The following OR56A3 variants were observed in gnomAD, a reference collection of about 807,000 sequenced individuals.
OR56A3 encodes olfactory receptor 56A3.
Under a neutral mutation model 17.5 loss-of-function variants are expected in OR56A3, and 23 were observed. The observed-to-expected ratio is 1.32, with a 90% CI of 0.95 to 1.87. OR56A3 has a LOEUF of 1.87. OR56A3 is among the 40% of genes most tolerant of loss of function. The pLI, the probability that OR56A3 is intolerant of heterozygous loss-of-function variation, is 0.00. For synonymous variants in OR56A3, 175 were observed against 150.6 expected, an observed-to-expected ratio of 1.16 and a Z score of -1.19; for missense variants, 366 against 380.1, an observed-to-expected ratio of 0.96 and a Z score of 0.31.
chr11:5,997,051 T>A, the OR56A3 span, among the ~76,000 whole-genome samples: 1 of 152,194 alleles, frequency 6.6e-6, no homozygotes, highest in East Asian at 1.9e-4. Context: ...GAATTATAGT[T>A]GATAACATAA....
chr11:6,005,513 A>G, the OR56A3 span, among the ~76,000 whole-genome samples: 1 of 152,262 alleles, frequency 6.6e-6, no homozygotes, highest in Non-Finnish European at 1.5e-5. Flanking sequence ...TGTCACGTAC[A>G]TTGTAGGAAA....
chr11:5,961,685 A>G, the OR56A3 span, among the ~76,000 whole-genome samples: 1 of 151,094 alleles, frequency 6.6e-6, no homozygotes, highest in Non-Finnish European at 1.5e-5. Flanking sequence ...CCTTCCCTCC[A>G]CTATTGTCCT....
At chr11:6,001,826 A>G in the OR56A3 span, 34 of 463,412 alleles carry the variant, frequency 7.3e-5, no homozygotes, top group East Asian at 1.2e-3. Context: ...GAAAAATTCC[A>G]AAGTAACCAT....
At chr11:5,957,514 C>T in the OR56A3 span, among the ~76,000 whole-genome samples, 1 of 152,102 alleles carries the variant, frequency 6.6e-6, no homozygotes, top group African/African-American at 2.4e-5. Flanking sequence ...TATCTTGTAA[C>T]TTAATAGAAT....
the OR56A3 span, among the ~76,000 whole-genome samples, chr11:6,011,340 C>T: frequency 0.025 from 3,858 of 151,996 alleles, 161 homozygotes; most frequent in African/African-American, 0.084. Context: ...ATGTAATGGA[C>T]GGAATAAACC....
At chr11:5,986,512 C>T in the OR56A3 span, 60 of 1,613,770 alleles carry the variant, frequency 3.7e-5, no homozygotes, top group African/African-American at 6.0e-4. Context: ...GGCTACATAG[C>T]GATCCAGAGC....
At chr11:5,953,495 T>G (rs1847918684), downstream of OR56A3, among the ~76,000 whole-genome samples, 1 of 152,146 alleles carries the variant, frequency 6.6e-6, no homozygotes, top group African/African-American at 2.4e-5. Flanking sequence ...TTAATAGAGT[T>G]CCAAGTAATT....
the OR56A3 span, among the ~76,000 whole-genome samples, chr11:5,988,641 C>T: frequency 1.3e-5 from 2 of 151,936 alleles, no homozygotes; most frequent in Non-Finnish European, 2.9e-5. Flanking sequence ...GAGAATTAGA[C>T]CACAGGCTTC....
the OR56A3 span, among the ~76,000 whole-genome samples, chr11:6,011,606 T>A: frequency 1.3e-5 from 2 of 152,154 alleles, no homozygotes. Context: ...TGTTATGGGA[T>A]CTTTGGGGTG....
At chr11:5,968,407 G>A in the OR56A3 span, 1 of 1,610,358 alleles carries the variant, frequency 6.2e-7, no homozygotes, top group Non-Finnish European at 8.5e-7. Flanking sequence ...GGCAGAGACA[G>A]CCAGTGCTGC....
chr11:5,991,980 G>A, the OR56A3 span, among the ~76,000 whole-genome samples: 4 of 152,190 alleles, frequency 2.6e-5, no homozygotes, highest in Admixed American at 6.5e-5. Flanking sequence ...AGGCCAAGCA[G>A]GGAGTGGCTC....
Position 5,950,335 on chromosome 11 carries a change from T to C in OR56A3, c.*2041T>C, listed in dbSNP as rs1847900620. The C allele has an allele frequency of 6.6e-6, 1 of 152,188 alleles. No individual in the cohort carries two copies. The highest frequency in any genetic ancestry group is 1.5e-5 in the Non-Finnish European group (1 of 68,002). The allele number at this position is 152,188 out of a possible 1,614,324, so 9.4% of individuals were successfully genotyped here. On this transcript the variant is annotated 3_prime_UTR_variant, in exon 3 of 3. Transcript: ENST00000641160. ...TACCTCCCTGAGATTAAGAAAATTT[T>C]CCATAAGTCTTGTCTTCCCAAAGAA... is the stretch of plus-strand genomic sequence containing the variant.
At chr11:5,977,738 T>C in the OR56A3 span, among the ~76,000 whole-genome samples, 31 of 152,366 alleles carry the variant, frequency 2.0e-4, no homozygotes, top group Non-Finnish European at 3.5e-4. Context: ...CTGTCTATTT[T>C]TGATTTGTTG....
the OR56A3 span, chr11:6,019,594 G>C: frequency 6.6e-6 from 1 of 151,966 alleles, no homozygotes; most frequent in Non-Finnish European, 1.5e-5. Flanking sequence ...GGAAACTCTA[G>C]TTTTTTTAAA....
the OR56A3 span, chr11:5,993,797 T>C: frequency 3.6e-6 from 1 of 275,112 alleles, no homozygotes; most frequent in South Asian, 4.1e-5. Flanking sequence ...CACTTTAACA[T>C]GTAACCAACA....
the OR56A3 span, chr11:5,986,556 G>A: frequency 6.2e-7 from 1 of 1,613,972 alleles, no homozygotes; most frequent in Non-Finnish European, 8.5e-7. Flanking sequence ...CCATGGAGGA[G>A]AATGCATGGA....
the OR56A3 span, among the ~76,000 whole-genome samples, chr11:5,991,796 C>T: frequency 2.6e-5 from 4 of 152,136 alleles, no homozygotes; most frequent in Non-Finnish European, 4.4e-5. Context: ...TTGATACTTT[C>T]CCAGGGCAGT....
the OR56A3 span, among the ~76,000 whole-genome samples, chr11:5,988,385 T>TG: frequency 1.3e-5 from 2 of 152,164 alleles, no homozygotes; most frequent in African/African-American, 4.8e-5. Context: ...CACAATGTAG[T>TG]GAGATAAATA....
At chr11:5,998,989 T>A in the OR56A3 span, among the ~76,000 whole-genome samples, 1 of 152,198 alleles carries the variant, frequency 6.6e-6, no homozygotes, top group African/African-American at 2.4e-5. Flanking sequence ...ACTGGAGTGG[T>A]ATTATAGCCA....
Sources: gnomAD v4.1 joint callset for allele counts (sites outside exome capture counted in the v4.1 genomes callset) on GRCh38, gnomAD v4.1.1 for gene constraint, MANE v1.5 for transcripts, NCBI Gene and HGNC (gene_info 2026-07-23, HGNC 2026-07-21) for gene names.